Variants in CCDC91 observed in about 807,000 individuals in gnomAD.
CCDC91 encodes coiled-coil domain containing 91, also known as coiled-coil domain-containing protein 91.
Under a neutral mutation model 63.2 loss-of-function variants are expected in CCDC91, and 48 were observed. The observed-to-expected ratio is 0.76, with a 90% CI of 0.60 to 0.97. The LOEUF (loss-of-function observed/expected upper bound fraction) is 0.97. Ranked by LOEUF, CCDC91 falls within the 50% of genes least tolerant of loss-of-function variation. CCDC91 has a pLI of 0.00. For synonymous variants in CCDC91, 167 were observed against 165.8 expected (o/e 1.01, Z -0.06); for missense variants, 500 against 494.6 (o/e 1.01, Z -0.10).
At chr12:28,410,037 G>C (rs76166403) in intron 8 of CCDC91, among the ~76,000 whole-genome samples, 1,887 of 152,120 alleles carry the variant, frequency 0.012, 38 homozygotes, top group African/African-American at 0.042. Flanking sequence ...ATATCATTTA[G>C]GTCAAATTTT....
intron 12 of CCDC91, among the ~76,000 whole-genome samples, chr12:28,522,481 T>A (rs981531953): frequency 3.9e-5 from 6 of 152,218 alleles, no homozygotes; most frequent in African/African-American, 1.4e-4. Context: ...TTTATTAGTG[T>A]TGATAGCGGT....
intron 8 of CCDC91, among the ~76,000 whole-genome samples, chr12:28,412,197 C>T (rs1366515698): frequency 6.6e-6 from 1 of 152,140 alleles, no homozygotes; most frequent in African/African-American, 2.4e-5. Flanking sequence ...GATGTTCACA[C>T]AATGATGAAA....
chr12:28,387,054 G>T (rs1945648142), intron 7 of CCDC91, among the ~76,000 whole-genome samples: 1 of 152,114 alleles, frequency 6.6e-6, no homozygotes. Context: ...TGAGATGTGA[G>T]AAACGTAAAG....
At chr12:28,326,217 T>G (rs1285178954) in intron 6 of CCDC91, among the ~76,000 whole-genome samples, 1 of 152,136 alleles carries the variant, frequency 6.6e-6, no homozygotes, top group African/African-American at 2.4e-5. Context: ...AGTCCACATT[T>G]GTTCCACTAC....
intron 3 of CCDC91, among the ~76,000 whole-genome samples, chr12:28,283,189 C>CT (rs1022930156): frequency 7.9e-5 from 11 of 139,996 alleles, no homozygotes; most frequent in South Asian, 2.3e-4. Flanking sequence ...TTTCTTTGAG[C>CT]TTTTTTTTTG....
intron 12 of CCDC91, among the ~76,000 whole-genome samples, chr12:28,534,893 A>C (rs1942029472): frequency 6.6e-6 from 1 of 152,196 alleles, no homozygotes; most frequent in Non-Finnish European, 1.5e-5. Flanking sequence ...TTAGACACTT[A>C]ATCCATTTAA....
chr12:28,252,806 A>AGT (rs1355314831), intron 1 of CCDC91, among the ~76,000 whole-genome samples: 1 of 151,948 alleles, frequency 6.6e-6, no homozygotes, highest in Non-Finnish European at 1.5e-5. Flanking sequence ...CGTCCTTGAT[A>AGT]GTCTGTTCAC....
intron 6 of CCDC91, among the ~76,000 whole-genome samples, chr12:28,356,497 A>G (rs1264469315): frequency 6.6e-6 from 1 of 152,020 alleles, no homozygotes; most frequent in Non-Finnish European, 1.5e-5. Context: ...TATGGGTTGT[A>G]TGTTATCACA....
rs139154394 is a variant in CCDC91, at chr12:28,297,372, G to A, written c.110-8277G>A. The stretch of plus-strand genomic sequence containing the variant: ...TGTTTTGACATAGTTAGCTTTTTGT[G>A]CTTTAGAAGAGATCTGTCAATGAAA... On this transcript the variant is annotated intron_variant, in intron 3 of 12. Transcript: ENST00000536442. 3.6e-3 allele frequency among the ~76,000 whole-genome samples: 547 copies of A among 151,762 alleles called. 7 individuals carry two copies. Among genetic ancestry groups the A allele is most frequent in the African/African-American group, 0.013 (529 of 41,428 alleles).
chr12:28,302,294 T>C (rs1938161195), intron 3 of CCDC91, among the ~76,000 whole-genome samples: 1 of 151,930 alleles, frequency 6.6e-6, no homozygotes, highest in Admixed American at 6.6e-5. Flanking sequence ...GTGAAAAGAT[T>C]TCTGGAAAAG....
At chr12:28,255,053 GGCGTGA>G (rs1946358946) in intron 1 of CCDC91, among the ~76,000 whole-genome samples, 1 of 152,160 alleles carries the variant, frequency 6.6e-6, no homozygotes, top group Admixed American at 6.5e-5. Context: ...TGGGATTACA[GGCGTGA>G]GCCACCGAAT....
intron 12 of CCDC91, among the ~76,000 whole-genome samples, chr12:28,502,111 G>A (rs575682520): frequency 2.6e-5 from 4 of 151,384 alleles, no homozygotes; most frequent in African/African-American, 9.7e-5. Flanking sequence ...TTCTTTATTA[G>A]TCTTGCTAGC....
At chr12:28,242,289 A>G (rs1945398796) in intron 1 of CCDC91, among the ~76,000 whole-genome samples, 2 of 152,138 alleles carry the variant, frequency 1.3e-5, no homozygotes, top group African/African-American at 4.8e-5. Context: ...ATTACAAACA[A>G]AGAAGCTTGT....
At chr12:28,223,179 C>T (rs1410826074) in intron 1 of CCDC91, among the ~76,000 whole-genome samples, 3 of 152,134 alleles carry the variant, frequency 2.0e-5, no homozygotes. Flanking sequence ...TAAAGGTGAA[C>T]TTGCAGCTCT....
At chr12:28,407,273 ATTTC>A (rs1947011891) in intron 8 of CCDC91, among the ~76,000 whole-genome samples, 1 of 152,140 alleles carries the variant, frequency 6.6e-6, no homozygotes, top group African/African-American at 2.4e-5. Flanking sequence ...AGTCTCGGGT[ATTTC>A]TTTATAGCAA....
chr12:28,264,566 C>T (rs1191119649), intron 3 of CCDC91, among the ~76,000 whole-genome samples: 16 of 129,388 alleles, frequency 1.2e-4, no homozygotes, highest in East Asian at 1.2e-3. Flanking sequence ...AATATAGGCA[C>T]ATATATATAT....
chr12:28,260,975 T>A (rs1260074048), intron 3 of CCDC91, among the ~76,000 whole-genome samples: 2 of 152,042 alleles, frequency 1.3e-5, no homozygotes, highest in Non-Finnish European at 2.9e-5. Context: ...GTTTTATCAT[T>A]TGATACACAT....
At chr12:28,373,578 C>T (rs1944755102) in intron 7 of CCDC91, among the ~76,000 whole-genome samples, 2 of 151,750 alleles carry the variant, frequency 1.3e-5, no homozygotes, top group African/African-American at 4.8e-5. Context: ...ATTCTTTCTC[C>T]TCGTAACTGA....
At chr12:28,315,868 A>T (rs1397427006) in intron 6 of CCDC91, among the ~76,000 whole-genome samples, 1 of 151,810 alleles carries the variant, frequency 6.6e-6, no homozygotes, top group Non-Finnish European at 1.5e-5. Context: ...TGATAAATAT[A>T]CATATATCTC....
Sources: allele counts gnomAD v4.1 joint callset (sites outside exome capture counted in the v4.1 genomes callset), GRCh38; gene constraint gnomAD v4.1.1; transcripts MANE v1.5; gene names NCBI Gene and HGNC (gene_info 2026-07-23, HGNC 2026-07-21).